Variants in CAMTA1 observed in about 807,000 individuals in gnomAD.
CAMTA1 encodes the protein calmodulin binding transcription activator 1.
A neutral mutation model predicts 170.9 loss-of-function variants in CAMTA1; 27 were observed. That is an observed-to-expected ratio of 0.16 (90% CI 0.12 to 0.22). The LOEUF (loss-of-function observed/expected upper bound fraction) is 0.22, where lower values mean the gene tolerates loss of function less well. Ranked by LOEUF, CAMTA1 falls within the 10% of genes least tolerant of loss-of-function variation. The pLI is 1.00. For synonymous variants in CAMTA1, 833 were observed against 891.5 expected, an observed-to-expected ratio of 0.93 and a Z score of 1.17; for missense variants, 1,619 against 2,217.2, an observed-to-expected ratio of 0.73 and a Z score of 5.42.
intron 3 of CAMTA1, among the ~76,000 whole-genome samples, chr1:6,984,026 A>G: frequency 1.3e-3 from 2 of 1,594 alleles, no homozygotes; most frequent in African/African-American, 4.6e-3. Flanking sequence ...GGTTGGGCAG[A>G]TGGATGGATT....
intron 4 of CAMTA1, among the ~76,000 whole-genome samples, chr1:7,132,295 CAG>C (rs1013387520): frequency 6.6e-5 from 10 of 152,120 alleles, no homozygotes; most frequent in Non-Finnish European, 1.2e-4. Context: ...TCTCCTTCAA[CAG>C]AGTCTTGTTC....
At chr1:6,948,524 C>T (rs968253583) in intron 3 of CAMTA1, among the ~76,000 whole-genome samples, 2 of 152,190 alleles carry the variant, frequency 1.3e-5, no homozygotes, top group South Asian at 4.1e-4. Context: ...TATTGTCCTC[C>T]ATTTACCGAT....
In CAMTA1 at chr1:7,580,276, C is replaced by T. The variant is rs187294957; in HGVS notation, c.511-60124C>T. On this transcript the variant is annotated intron_variant, in intron 6 of 22. Transcript: ENST00000303635. This position sits in a 1 kb window ranked among gnomAD's most constrained non-coding sequence, Gnocchi z 4.3. ...AGGCTGAGGCTCCTGGGGGGTTGTC[C>T]ACATCTGGACCGTGGGAGCTGTTGG... 1.3e-5 allele frequency among the ~76,000 whole-genome samples: 2 copies of T among 152,242 alleles called. No homozygotes were observed. Among genetic ancestry groups the T allele is most frequent in the East Asian group, 3.9e-4 (2 of 5,170 alleles).
At chr1:7,416,266 T>G (rs2091164859) in intron 5 of CAMTA1, among the ~76,000 whole-genome samples, 1 of 152,184 alleles carries the variant, frequency 6.6e-6, no homozygotes, top group Non-Finnish European at 1.5e-5. Flanking sequence ...AGGAGTATCT[T>G]TGTGGCATTC....
chr1:7,094,278 G>A (rs1641814757), intron 4 of CAMTA1, among the ~76,000 whole-genome samples: 1 of 113,354 alleles, frequency 8.8e-6, no homozygotes, highest in Non-Finnish European at 1.6e-5. Context: ...CCCATCTCTA[G>A]TATTGAAATT....
chr1:7,091,518 C>T lies in CAMTA1; in HGVS notation c.302+147C>T, dbSNP rs1641462755. 4.4e-6 allele frequency: 3 copies of T among 675,692 alleles called. No homozygotes were observed. The Admixed American group carries it at 7.0e-5, about 16-fold the overall frequency. 41.9% of individuals were successfully genotyped at this position (675,692 alleles called of 1,614,324 possible). A position where few individuals can be genotyped will look rare whatever the true frequency, so the allele number is the denominator to read the frequency against. On this transcript the variant is annotated intron_variant, in intron 4 of 22. Transcript: ENST00000303635. ...TGGCTTTCGACACTGAGGTCTCATT[C>T]ATTGACATAAGACTGTGGCAGTGAA...
At chr1:6,815,613 A>C (rs1406104884) in intron 1 of CAMTA1, among the ~76,000 whole-genome samples, 1 of 152,230 alleles carries the variant, frequency 6.6e-6, no homozygotes, top group African/African-American at 2.4e-5. Flanking sequence ...ATTATGTACT[A>C]ACAGATGAAA....
rs943794733 is a variant in CAMTA1, at chr1:7,767,258, A to G, written c.*767A>G. 9.8e-5 allele frequency: 15 copies of G among 152,766 alleles called. No homozygotes were observed. Among genetic ancestry groups the G allele is most frequent in the African/African-American group, 3.6e-4 (15 of 41,434 alleles). The allele number at this position is 152,766 out of a possible 1,614,324, so 9.5% of individuals were successfully genotyped here. On this transcript the variant is annotated 3_prime_UTR_variant, in exon 23 of 23. Coordinates refer to ENST00000303635, the MANE Select transcript of CAMTA1 (RefSeq NM_015215.4). ...CTTCCAAGAACCTGCGAGGGTAGTA[A>G]TCATCTTGTCCCCTTTTTCATGTTC...
At chr1:7,627,636 G>A (rs1045511596) in intron 6 of CAMTA1, among the ~76,000 whole-genome samples, 4 of 152,346 alleles carry the variant, frequency 2.6e-5, no homozygotes, top group Middle Eastern at 3.4e-3. Context: ...ACCCAGACTC[G>A]AACCTAAGGC....
chr1:6,842,327 G>T (rs1199661139), intron 3 of CAMTA1, among the ~76,000 whole-genome samples: 2 of 152,176 alleles, frequency 1.3e-5, no homozygotes, highest in African/African-American at 4.8e-5. Flanking sequence ...TCGCCGTGAG[G>T]CTCAGAAGAG....
chr1:7,242,349 GT>G (rs1558297275), intron 4 of CAMTA1, among the ~76,000 whole-genome samples: 2 of 152,304 alleles, frequency 1.3e-5, no homozygotes, highest in African/African-American at 4.8e-5. Flanking sequence ...ATGGAAAATG[GT>G]GCTGCCATGT....
rs549762996 is a variant in CAMTA1 at position 7,561,634 on chromosome 1, A to T, written c.511-78766A>T. 7.9e-5 allele frequency among the ~76,000 whole-genome samples: 12 copies of T among 152,078 alleles called. No homozygotes were observed. Among genetic ancestry groups the T allele is most frequent in the African/African-American group, 2.9e-4 (12 of 41,508 alleles). ...ACCCTCTGCAGGCAGAGCTGGTTACATGCAGCAGTGGCACAGGATCAGCAG... is the reference window on the plus strand; with the variant it reads ...ACCCTCTGCAGGCAGAGCTGGTTACTTGCAGCAGTGGCACAGGATCAGCAG... On this transcript the variant is annotated intron_variant, in intron 6 of 22. Transcript: ENST00000303635. The surrounding 1 kb of genome is among the most constrained non-coding windows in gnomAD (Gnocchi z 5.3).
chr1:7,586,730 C>A (rs2095313314), intron 6 of CAMTA1, among the ~76,000 whole-genome samples: 1 of 152,110 alleles, frequency 6.6e-6, no homozygotes, highest in Non-Finnish European at 1.5e-5. Context: ...CATCAGGGAT[C>A]AGGGGTGGGG....
chr1:7,555,465 CTT>C (rs2094863187), intron 6 of CAMTA1, among the ~76,000 whole-genome samples: 2 of 152,108 alleles, frequency 1.3e-5, no homozygotes, highest in African/African-American at 2.4e-5. Flanking sequence ...TCCTTCTCCT[CTT>C]TCTCTCCTGA....
At chr1:7,464,235 C>G (rs1172020401) in intron 5 of CAMTA1, among the ~76,000 whole-genome samples, 1 of 152,196 alleles carries the variant, frequency 6.6e-6, no homozygotes, top group Non-Finnish European at 1.5e-5. Context: ...CTCCCTCACA[C>G]TCCCACACGC....
At position 7,225,373 on chromosome 1, in the gene CAMTA1, C is replaced by T. The variant is rs527478526; in HGVS notation, c.303-24118C>T. Among the ~76,000 whole-genome samples, 125 of 152,300 alleles carry T rather than the reference C, an allele frequency of 8.2e-4. 1 individual carries two copies. Among genetic ancestry groups the T allele is most frequent in the Middle Eastern group, 3.4e-3 (1 of 294 alleles). ...TGTTGGGATTACAGGCGTGAGCCAC[C>T]GTGCCCGGCCAGCAGATCTCTTTTA... On this transcript the variant is annotated intron_variant, in intron 4 of 22. Transcript: ENST00000303635.
Position 7,117,520 on chromosome 1 carries a change from G to T in CAMTA1, c.302+26149G>T, listed in dbSNP as rs1164799250. Among the ~76,000 whole-genome samples the T allele has an allele frequency of 2.0e-5, 3 of 152,042 alleles. No individual in the cohort carries two copies. The East Asian group carries it at 5.8e-4, about 29-fold the overall frequency. On this transcript the variant is annotated intron_variant, in intron 4 of 22. Transcript: ENST00000303635. ...CCTAGCACTTACCAGTTTCCATGGG[G>T]TAACCACTCCTGCCATGGATGACTT...
intron 6 of CAMTA1, among the ~76,000 whole-genome samples, chr1:7,601,833 C>T (rs1375153109): frequency 2.6e-5 from 4 of 152,052 alleles, no homozygotes; most frequent in South Asian, 2.1e-4. Context: ...CGCAGGCACT[C>T]GGCAGGCTGA....
chr1:7,684,247 G>T (rs1198840401), intron 11 of CAMTA1, among the ~76,000 whole-genome samples: 1 of 152,244 alleles, frequency 6.6e-6, no homozygotes, highest in Non-Finnish European at 1.5e-5. Flanking sequence ...CAGGACTCGG[G>T]CAGATGCAGG....
Sources: gnomAD v4.1 joint callset for allele counts (sites outside exome capture counted in the v4.1 genomes callset) on GRCh38, gnomAD v4.1.1 for gene constraint, Gnocchi (gnomAD v3.1) non-coding constraint, MANE v1.5 for transcripts, NCBI Gene and HGNC (gene_info 2026-07-23, HGNC 2026-07-21) for gene names.